The following FRMD5 variants were observed in gnomAD, a reference collection of about 807,000 sequenced individuals.
The protein encoded by FRMD5 is FERM domain-containing protein 5.
In FRMD5, 20 loss-of-function variants were observed where a neutral mutation model predicts 69.0. That is an observed-to-expected ratio of 0.29 (90% CI 0.20 to 0.42). FRMD5 has a LOEUF of 0.42. FRMD5 is among the 10% of genes least tolerant of loss of function. The pLI is 1.00. For synonymous variants in FRMD5, 271 were observed against 260.1 expected, an observed-to-expected ratio of 1.04 and a Z score of -0.40; for missense variants, 595 against 708.6, an observed-to-expected ratio of 0.84 and a Z score of 1.82.
rs1348576371 is a variant in FRMD5, at chr15:44,100,045, CTCTT to C, written c.102+94904_102+94907del. Among the ~76,000 whole-genome samples, 6 of 146,370 alleles carry C rather than the reference CTCTT, an allele frequency of 4.1e-5. No individual in the cohort carries two copies. The East Asian group carries it at 1.2e-3, about 29-fold the overall frequency. ...TGACTGTATCTAATAGCTTCTTCTTCTCTTTTTTTTTTTTTTTTTTTTTAAGATG... is the reference window on the plus strand; with the variant it reads ...TGACTGTATCTAATAGCTTCTTCTTCTTTTTTTTTTTTTTTTTTTAAGATG... On this transcript the variant is annotated intron_variant, in intron 1 of 13. Coordinates refer to ENST00000417257, the MANE Select transcript of FRMD5 (RefSeq NM_032892.5).
intron 1 of FRMD5, among the ~76,000 whole-genome samples, chr15:44,076,469 T>C (rs1015622641): frequency 6.0e-5 from 9 of 150,526 alleles, no homozygotes; most frequent in African/African-American, 2.2e-4. Context: ...TCATGTCCTT[T>C]GTAGGGACAT....
chr15:43,975,280 A>G (rs1409614796), intron 1 of FRMD5, among the ~76,000 whole-genome samples: 2 of 152,256 alleles, frequency 1.3e-5, no homozygotes, highest in East Asian at 3.8e-4. Context: ...AGATGTAAAG[A>G]GGTATTTGCC....
chr15:43,883,459 G>C (rs1280430897), intron 13 of FRMD5, among the ~76,000 whole-genome samples: 1 of 152,116 alleles, frequency 6.6e-6, no homozygotes, highest in South Asian at 2.1e-4. Context: ...TCCCACATAT[G>C]CAAGTCCCCC....
Position 43,870,975 on chromosome 15 carries a change from A to G in FRMD5, c.*2910T>C, listed in dbSNP as rs1018579031. The G allele has an allele frequency of 9.9e-5, 15 of 152,246 alleles. No individual in the cohort carries two copies. The highest frequency in any genetic ancestry group is 7.9e-4 in the Admixed American group (12 of 15,286). 9.4% of individuals were successfully genotyped at this position (152,246 alleles called of 1,614,324 possible). A position where few individuals can be genotyped will look rare whatever the true frequency, so the allele number is the denominator to read the frequency against. On this transcript the variant is annotated 3_prime_UTR_variant, in exon 14 of 14. Transcript: ENST00000417257. The stretch of plus-strand genomic sequence containing the variant: ...AGGTAGTTTACCCTCTACTGCTTAA[A>G]GATGCAGTATGCTATTCTTTAGTAA...
At position 43,889,014 on chromosome 15, in the gene FRMD5, C is replaced by T. The variant is rs553064812; in HGVS notation, c.729-142G>A. ...AGCCAAAATCAGAACTGAAACAAGA[C>T]AGCAGCGCAGTGGCCTTAGAGAATG... On this transcript the variant is annotated intron_variant, in intron 8 of 13. Transcript: ENST00000417257. The T allele has an allele frequency of 1.4e-4, 92 of 679,518 alleles. 1 individual carries two copies. In the East Asian group the frequency reaches 2.0e-3, roughly 15 times the overall value. 42.1% of individuals were successfully genotyped at this position (679,518 alleles called of 1,614,324 possible). A position where few individuals can be genotyped will look rare whatever the true frequency, so the allele number is the denominator to read the frequency against.
intron 1 of FRMD5, among the ~76,000 whole-genome samples, chr15:44,149,312 CAA>C (rs951508416): frequency 2.6e-5 from 4 of 151,446 alleles, no homozygotes; most frequent in African/African-American, 9.7e-5. Context: ...TAATTCACTA[CAA>C]AAAGTCAACT....
At chr15:43,905,796 CA>C (rs754039397) in intron 6 of FRMD5, 31 bp downstream of exon 6, 7 of 1,612,518 alleles carry the variant, frequency 4.3e-6, no homozygotes, top group African/African-American at 1.3e-5. Context: ...GGAGAAGCCA[CA>C]ATGTTCTGGG....
chr15:43,968,875 G>A (rs893010470), intron 1 of FRMD5, among the ~76,000 whole-genome samples: 9 of 152,048 alleles, frequency 5.9e-5, no homozygotes, highest in South Asian at 4.2e-4. Flanking sequence ...AGTTAGTAAC[G>A]GAAAGACACT....
chr15:43,973,523 A>G (rs1347933942), intron 1 of FRMD5, among the ~76,000 whole-genome samples: 1 of 149,918 alleles, frequency 6.7e-6, no homozygotes, highest in Non-Finnish European at 1.5e-5. Context: ...GCCCACCACC[A>G]CACCCAGCTA....
intron 1 of FRMD5, among the ~76,000 whole-genome samples, chr15:44,013,582 G>C (rs148596463): frequency 0.02 from 3,011 of 152,262 alleles, 40 homozygotes; most frequent in Middle Eastern, 0.071. Context: ...TATTCTGAAA[G>C]TAATACAAAC....
intron 9 of FRMD5, 127 bp downstream of exon 9, chr15:43,888,682 C>A: frequency 1.3e-6 from 1 of 755,806 alleles, no homozygotes. Context: ...CCTCCAGGTC[C>A]TGACCTTGGT....
intron 1 of FRMD5, among the ~76,000 whole-genome samples, chr15:44,014,696 C>T (rs1890877294): frequency 1.3e-5 from 2 of 151,572 alleles, no homozygotes; most frequent in Admixed American, 1.3e-4. Context: ...AAGATTGCGC[C>T]AATGCACTCC....
At chr15:43,928,810 C>T (rs540417627) in intron 1 of FRMD5, among the ~76,000 whole-genome samples, 2 of 152,290 alleles carry the variant, frequency 1.3e-5, no homozygotes, top group East Asian at 1.9e-4. Context: ...CAGGCACTTG[C>T]GCTGACAGGT....
At chr15:43,965,078 G>A (rs1452244790) in intron 1 of FRMD5, among the ~76,000 whole-genome samples, 1 of 152,142 alleles carries the variant, frequency 6.6e-6, no homozygotes, top group Non-Finnish European at 1.5e-5. Flanking sequence ...GCATGGCCTG[G>A]GGACTCAGTA....
chr15:44,101,156 A>G (rs895214758), intron 1 of FRMD5, among the ~76,000 whole-genome samples: 3 of 144,040 alleles, frequency 2.1e-5, no homozygotes, highest in African/African-American at 8.2e-5. Context: ...CTCAAAAAAA[A>G]AAACAACAAA....
intron 1 of FRMD5, among the ~76,000 whole-genome samples, chr15:44,007,534 C>A (rs1890505385): frequency 6.6e-6 from 1 of 151,200 alleles, no homozygotes; most frequent in Non-Finnish European, 1.5e-5. Context: ...TGGACATTAA[C>A]ATCCTAACAT....
At chr15:44,039,060 AAAGCCTCTCGT>A (rs1241554739) in intron 1 of FRMD5, among the ~76,000 whole-genome samples, 1 of 152,244 alleles carries the variant, frequency 6.6e-6, no homozygotes, top group Non-Finnish European at 1.5e-5. Context: ...CAGTGTAAAC[AAAGCCTCTCGT>A]AAGTCTGAAC....
At chr15:44,074,565 A>G (rs1893679499) in intron 1 of FRMD5, among the ~76,000 whole-genome samples, 1 of 151,204 alleles carries the variant, frequency 6.6e-6, no homozygotes, top group Non-Finnish European at 1.5e-5. Context: ...GTGCAGTGGC[A>G]CCATCTTGGC....
chr15:43,914,122 T>C lies in FRMD5; in HGVS notation c.330-4143A>G, dbSNP rs375530378. On this transcript the variant is annotated intron_variant, in intron 4 of 13. Transcript: ENST00000417257. ...AAGATGCCAGGGAAAACCTGAGCTTTTGTGTAACACGAACATCTCTCCAGG... is the reference window on the plus strand; with the variant it reads ...AAGATGCCAGGGAAAACCTGAGCTTCTGTGTAACACGAACATCTCTCCAGG... Among the ~76,000 whole-genome samples the C allele has an allele frequency of 9.2e-5, 14 of 152,330 alleles. No homozygotes were observed. In the East Asian group the frequency reaches 2.7e-3, roughly 29 times the overall value.
Sources: gnomAD v4.1 joint callset for allele counts (sites outside exome capture counted in the v4.1 genomes callset) on GRCh38, gnomAD v4.1.1 for gene constraint, MANE v1.5 for transcripts, NCBI Gene and HGNC (gene_info 2026-07-23, HGNC 2026-07-21) for gene names.